The following NETO2 variants were observed in gnomAD, a reference collection of about 807,000 sequenced individuals.
The protein encoded by NETO2 is neuropilin and tolloid-like protein 2.
NETO2 carries 28 observed loss-of-function variants against 62.5 expected under a neutral mutation model. That is an observed-to-expected ratio of 0.45 (90% CI 0.33 to 0.61). The LOEUF (loss-of-function observed/expected upper bound fraction) is 0.61, where lower values mean the gene tolerates loss of function less well. Among genes scored for constraint, NETO2 ranks in the 20% least tolerant of loss-of-function variants. NETO2 has a pLI of 0.02. For missense variants in NETO2, 548 were observed against 643.2 expected, an observed-to-expected ratio of 0.85 and a Z score of 1.60; for synonymous variants, 214 against 219.1, an observed-to-expected ratio of 0.98 and a Z score of 0.21.
At chr16:47,137,565 T>C (rs900878751) in intron 1 of NETO2, among the ~76,000 whole-genome samples, 13 of 152,334 alleles carry the variant, frequency 8.5e-5, no homozygotes, top group African/African-American at 2.4e-4. Flanking sequence ...CTATCTATTC[T>C]TATAAGGGCT....
At chr16:47,101,186 C>T (rs996844848) in intron 7 of NETO2, among the ~76,000 whole-genome samples, 5 of 152,166 alleles carry the variant, frequency 3.3e-5, no homozygotes, top group Non-Finnish European at 7.4e-5. Flanking sequence ...AGAAAAACCA[C>T]ATTATTATCT....
intron 1 of NETO2, among the ~76,000 whole-genome samples, chr16:47,141,531 C>G (rs953537478): frequency 6.6e-6 from 1 of 151,598 alleles, no homozygotes; most frequent in African/African-American, 2.4e-5. Context: ...TCCCTTCATT[C>G]CTGTCTTTTA....
intron 1 of NETO2, among the ~76,000 whole-genome samples, chr16:47,139,225 T>C (rs561436262): frequency 6.6e-6 from 1 of 152,318 alleles, no homozygotes; most frequent in East Asian, 1.9e-4. Context: ...CAGTGCATCT[T>C]CTTTGTAACC....
chr16:47,090,459 C>T (rs1963289300), intron 7 of NETO2, among the ~76,000 whole-genome samples: 1 of 152,116 alleles, frequency 6.6e-6, no homozygotes, highest in South Asian at 2.1e-4. Flanking sequence ...AACTATAAGT[C>T]TTTATATAAA....
chr16:47,118,439 T>TCTCCTCTATCTAGTTCCTCTGGC (rs1963966636), intron 6 of NETO2, among the ~76,000 whole-genome samples: 1 of 152,186 alleles, frequency 6.6e-6, no homozygotes, highest in African/African-American at 2.4e-5. Flanking sequence ...GACAACATGG[T>TCTCCTCTATCTAGTTCCTCTGGC]CTCCTCTATC....
chr16:47,123,740 C>T (rs1964091669), intron 4 of NETO2, among the ~76,000 whole-genome samples: 1 of 152,154 alleles, frequency 6.6e-6, no homozygotes, highest in South Asian at 2.1e-4. Context: ...CACTGTTGCC[C>T]AGGCAGGAGT....
intron 7 of NETO2, among the ~76,000 whole-genome samples, chr16:47,102,592 G>GA (rs796983567): frequency 0.08 from 7,565 of 95,020 alleles, 211 homozygotes; most frequent in Non-Finnish European, 0.11. Context: ...AAATTTACAA[G>GA]AAAAAAAAAA....
chr16:47,106,110 C>G (rs1963667339), intron 7 of NETO2, among the ~76,000 whole-genome samples: 1 of 145,974 alleles, frequency 6.9e-6, no homozygotes, highest in South Asian at 2.1e-4. Context: ...CATATGACCA[C>G]ATGGATGAAC....
chr16:47,139,961 T>G (rs1394673200), intron 1 of NETO2, among the ~76,000 whole-genome samples: 3 of 152,246 alleles, frequency 2.0e-5, no homozygotes, highest in East Asian at 3.8e-4. Context: ...CTTCTAGTGC[T>G]GTAATTTCCA....
intron 1 of NETO2, among the ~76,000 whole-genome samples, chr16:47,140,787 C>T (rs931661723): frequency 2.0e-5 from 3 of 152,184 alleles, no homozygotes; most frequent in Admixed American, 2.0e-4. Context: ...CGAGTTAATA[C>T]TTGCACCGTC....
chr16:47,129,401 CAA>C, intron 2 of NETO2, 37 bp from the exon 3 acceptor site: 10 of 1,601,990 alleles, frequency 6.2e-6, no homozygotes, highest in Non-Finnish European at 5.1e-6. Context: ...CTCATTACAG[CAA>C]AAGAGAATCA....
chr16:47,111,719 A>C (rs550593958), intron 6 of NETO2, among the ~76,000 whole-genome samples: 1 of 152,294 alleles, frequency 6.6e-6, no homozygotes, highest in East Asian at 1.9e-4. Flanking sequence ...TCTGCTCTGC[A>C]GATGCGAACT....
intron 7 of NETO2, among the ~76,000 whole-genome samples, chr16:47,108,460 C>A (rs1963718867): frequency 6.6e-6 from 1 of 152,160 alleles, no homozygotes; most frequent in Non-Finnish European, 1.5e-5. Flanking sequence ...GTACCATGTA[C>A]CCCTGCTTCA....
intron 7 of NETO2, among the ~76,000 whole-genome samples, chr16:47,103,044 T>A (rs1963590025): frequency 6.6e-6 from 1 of 152,156 alleles, no homozygotes; most frequent in Non-Finnish European, 1.5e-5. Flanking sequence ...CCAACCCAAA[T>A]GCTCATCAAT....
chr16:47,134,252 C>A (rs1285380526), intron 1 of NETO2, among the ~76,000 whole-genome samples: 1 of 152,140 alleles, frequency 6.6e-6, no homozygotes, highest in Non-Finnish European at 1.5e-5. Flanking sequence ...ATTCTTTGAC[C>A]TCTTCATCCT....
chr16:47,122,523 TA>T, intron 6 of NETO2, 133 bp downstream of exon 6: 3 of 955,548 alleles, frequency 3.1e-6, no homozygotes, highest in Non-Finnish European at 4.6e-6. Context: ...GTAAGTGAAA[TA>T]AAATACATTT....
intron 7 of NETO2, among the ~76,000 whole-genome samples, chr16:47,106,141 G>A (rs920940032): frequency 6.6e-6 from 1 of 152,174 alleles, no homozygotes; most frequent in African/African-American, 2.4e-5. Flanking sequence ...TTTCATGGAT[G>A]AACCATGGAA....
chr16:47,123,928 A>G (rs1231183277), intron 4 of NETO2, among the ~76,000 whole-genome samples: 1 of 152,144 alleles, frequency 6.6e-6, no homozygotes, highest in Non-Finnish European at 1.5e-5. Context: ...CAAACTCCCA[A>G]CCTTGTGATC....
rs1384956543 is a variant in NETO2, at chr16:47,109,524, C to T, written c.842G>A (p.Arg281Gln). Reference sequence around the variant, plus strand: ...AAAGAGCATTCGAAACCTGCTAAGCCGACTACCTTCATCTGCCCACATTCG... The same window carrying T: ...AAAGAGCATTCGAAACCTGCTAAGCTGACTACCTTCATCTGCCCACATTCG... ...VIRMWADEGS[R>Q]LSRFRMLFTS... The change falls in exon 7 of 9, where the codon CGG (arginine) becomes CAG (glutamine). Residue 281 changes from arginine to glutamine, a missense_variant. By Grantham distance (43) the Arg-to-Gln change is conservative. Coordinates refer to ENST00000562435, the MANE Select transcript of NETO2 (RefSeq NM_018092.5). 1.3e-5 allele frequency: 21 copies of T among 1,613,926 alleles called. No individual in the cohort carries two copies. Among genetic ancestry groups the T allele is most frequent in the African/African-American group, 4.0e-5 (3 of 74,912 alleles).
Sources: gnomAD v4.1 joint callset for allele counts (sites outside exome capture counted in the v4.1 genomes callset) on GRCh38, gnomAD v4.1.1 for gene constraint, MANE v1.5 for transcripts, NCBI Gene and HGNC (gene_info 2026-07-23, HGNC 2026-07-21) for gene names.